ZNF322: variants seen among roughly 807,000 people sequenced by gnomAD.
ZNF322 encodes the protein zinc finger protein 322.
A neutral mutation model predicts 18.3 loss-of-function variants in ZNF322; 1 was observed. That is an observed-to-expected ratio of 0.05 (90% CI 0.02 to 0.26). ZNF322 has a LOEUF of 0.26. ZNF322 is among the 10% of genes least tolerant of loss of function. The pLI is 1.00. For synonymous variants in ZNF322, 17 were observed against 130.7 expected (o/e 0.13, Z 5.93); for missense variants, 36 against 403.6 (o/e 0.09, Z 7.80).
chr6:26,641,230 G>A (rs890747847), intron 3 of ZNF322, among the ~76,000 whole-genome samples: 1 of 152,116 alleles, frequency 6.6e-6, no homozygotes, highest in Non-Finnish European at 1.5e-5. Flanking sequence ...GATATACCAA[G>A]ATTTCAAATG....
At chr6:26,641,298 G>C (rs572973847) in intron 3 of ZNF322, among the ~76,000 whole-genome samples, 2 of 152,306 alleles carry the variant, frequency 1.3e-5, no homozygotes, top group African/African-American at 4.8e-5. Context: ...AATGAGGTGG[G>C]AGTAGTGCAA....
chr6:26,651,598 TCAC>T (rs1261392095), intron 2 of ZNF322: 6 of 152,310 alleles, frequency 3.9e-5, no homozygotes, highest in East Asian at 1.9e-4. Context: ...TTTTATGTTC[TCAC>T]CACAAGAAAT....
At chr6:26,643,612 G>A (rs1397448325) in intron 3 of ZNF322, 47 bp downstream of exon 3, 2 of 155,224 alleles carry the variant, frequency 1.3e-5, no homozygotes, top group African/African-American at 2.4e-5. Flanking sequence ...GATGGAGTCT[G>A]GGAAAGAGAA....
intron 2 of ZNF322, among the ~76,000 whole-genome samples, chr6:26,647,691 G>GAT (rs1765580601): frequency 6.6e-6 from 1 of 152,018 alleles, no homozygotes; most frequent in Non-Finnish European, 1.5e-5. Context: ...AAAAGCACTA[G>GAT]GCCCAGATTA....
intron 2 of ZNF322, chr6:26,650,373 C>T (rs1359027500): frequency 3.3e-5 from 5 of 152,114 alleles, no homozygotes; most frequent in Non-Finnish European, 7.4e-5. Context: ...TTTCAGCTAA[C>T]ATCAGGAACA....
intron 2 of ZNF322, among the ~76,000 whole-genome samples, chr6:26,649,701 A>ATTTTT (rs1321909101): frequency 1.3e-5 from 1 of 76,798 alleles, no homozygotes; most frequent in Non-Finnish European, 2.3e-5. Flanking sequence ...ATATATATAT[A>ATTTTT]TTTTTTTTTT....
rs538659523 is a variant in ZNF322, at chr6:26,636,571, A to G, written c.*774T>C. 2 of 151,904 alleles carry G rather than the reference A, an allele frequency of 1.3e-5. No individual in the cohort carries two copies. Among genetic ancestry groups the G allele is most frequent in the African/African-American group, 2.4e-5 (1 of 41,304 alleles). The allele number at this position is 151,904 out of a possible 1,614,324, so 9.4% of individuals were successfully genotyped here. A position where few individuals can be genotyped will look rare whatever the true frequency, so the allele number is the denominator to read the frequency against. On this transcript the variant is annotated 3_prime_UTR_variant, in exon 4 of 4. Coordinates refer to ENST00000415922, the MANE Select transcript of ZNF322 (RefSeq NM_024639.5). Reference sequence around the variant, plus strand: ...GTACATAGATTCTCACCCACAATTAAATCTCTCACTGCAGAACAGGTTTTT... The same window carrying G: ...GTACATAGATTCTCACCCACAATTAGATCTCTCACTGCAGAACAGGTTTTT...
intron 2 of ZNF322, among the ~76,000 whole-genome samples, chr6:26,647,667 G>C (rs1033158143): frequency 2.0e-5 from 3 of 151,994 alleles, no homozygotes; most frequent in Non-Finnish European, 4.4e-5. Flanking sequence ...AAGTTATAAA[G>C]GAACCATTCC....
chr6:26,650,798 A>C (rs1327815289), intron 2 of ZNF322, among the ~76,000 whole-genome samples: 4 of 152,234 alleles, frequency 2.6e-5, no homozygotes, highest in Non-Finnish European at 5.9e-5. Context: ...GAACTAAATA[A>C]ATGGAGGGAT....
intron 3 of ZNF322, 90 bp from the exon 4 acceptor site, chr6:26,638,818 G>GT (rs1765415990): frequency 2.3e-6 from 1 of 425,716 alleles, no homozygotes; most frequent in African/African-American, 2.1e-5. Flanking sequence ...GACAAACTCT[G>GT]TATCAGAGTC....
At chr6:26,656,189 G>A (rs1765767384) in intron 2 of ZNF322, among the ~76,000 whole-genome samples, 1 of 152,136 alleles carries the variant, frequency 6.6e-6, no homozygotes, top group African/African-American at 2.4e-5. Context: ...GGTTAATACT[G>A]ACAGTTTAAG....
intron 2 of ZNF322, among the ~76,000 whole-genome samples, chr6:26,647,242 C>T (rs1554148801): frequency 6.6e-6 from 1 of 151,722 alleles, no homozygotes; most frequent in African/African-American, 2.4e-5. Context: ...CAAGACCAGC[C>T]TGGACAACAT....
intron 2 of ZNF322, among the ~76,000 whole-genome samples, chr6:26,649,699 A>ATG (rs1561924977): frequency 1.5e-5 from 1 of 66,606 alleles, no homozygotes; most frequent in Non-Finnish European, 2.6e-5. Flanking sequence ...ATATATATAT[A>ATG]TATTTTTTTT....
intron 2 of ZNF322, among the ~76,000 whole-genome samples, chr6:26,654,441 G>T (rs1313726151): frequency 6.6e-6 from 1 of 151,056 alleles, no homozygotes; most frequent in African/African-American, 2.4e-5. Context: ...TGTTTCCACG[G>T]TTTGGAAAGT....
chr6:26,646,418 T>C (rs1765560832), intron 2 of ZNF322, among the ~76,000 whole-genome samples: 2 of 152,130 alleles, frequency 1.3e-5, no homozygotes, highest in Non-Finnish European at 2.9e-5. Flanking sequence ...GATCCTGATA[T>C]CAGGCAAAGT....
chr6:26,643,739 C>G lies in ZNF322; in HGVS notation c.-245-11G>C, dbSNP rs1309210641. On this transcript the variant is annotated splice_polypyrimidine_tract_variant and intron_variant, in intron 2 of 3. Transcript: ENST00000415922. ...AAAGAAGATAGCATTCTGTAAAACA[C>G]AAAGACAAGGATAAAAAGCCATAAA... 1.3e-5 allele frequency: 2 copies of G among 157,262 alleles called. No homozygotes were observed. Among genetic ancestry groups the G allele is most frequent in the African/African-American group, 4.8e-5 (2 of 41,444 alleles). 9.7% of individuals were successfully genotyped at this position (157,262 alleles called of 1,614,324 possible).
intron 3 of ZNF322, among the ~76,000 whole-genome samples, chr6:26,640,650 T>C (rs782457549): frequency 6.6e-6 from 1 of 152,194 alleles, no homozygotes; most frequent in Admixed American, 6.5e-5. Flanking sequence ...CTCCATAGAA[T>C]GTAAGCCCCT....
chr6:26,646,829 T>C (rs1554148786), intron 2 of ZNF322, among the ~76,000 whole-genome samples: 2 of 152,074 alleles, frequency 1.3e-5, no homozygotes, highest in African/African-American at 4.8e-5. Flanking sequence ...AAACTAGAAA[T>C]TTATTAAAAT....
chr6:26,649,671 G>GTATA (rs1242098497), intron 2 of ZNF322, among the ~76,000 whole-genome samples: 2 of 37,842 alleles, frequency 5.3e-5, no homozygotes, highest in African/African-American at 2.3e-4. Flanking sequence ...GTGTGTGTGT[G>GTATA]TGTGTATATA....
Sources: allele counts gnomAD v4.1 joint callset (sites outside exome capture counted in the v4.1 genomes callset), GRCh38; gene constraint gnomAD v4.1.1; transcripts MANE v1.5; gene names NCBI Gene and HGNC (gene_info 2026-07-23, HGNC 2026-07-21).